The following LMLN variants were observed in gnomAD, a reference collection of about 807,000 sequenced individuals.
LMLN encodes leishmanolysin-like peptidase.
Under a neutral mutation model 92.3 loss-of-function variants are expected in LMLN, and 70 were observed. The observed-to-expected ratio is 0.76, with a 90% CI of 0.63 to 0.92. LMLN has a LOEUF of 0.92. Among genes scored for constraint, LMLN ranks in the 40% least tolerant of loss-of-function variants. LMLN has a pLI of 0.00. For synonymous variants in LMLN, 308 were observed against 296.2 expected (o/e 1.04, Z -0.41); for missense variants, 691 against 814.6 (o/e 0.85, Z 1.85).
chr3:197,999,589 G>C, intron 11 of LMLN: 1 of 462,228 alleles, frequency 2.2e-6, no homozygotes, highest in South Asian at 2.5e-5. Context: ...GGAGTGCAGT[G>C]GCAATCTGGA....
chr3:197,976,322 T>C (rs1490889146), intron 4 of LMLN: 1 of 485,076 alleles, frequency 2.1e-6, no homozygotes, highest in Admixed American at 3.9e-5. Context: ...GTCTACTGAA[T>C]TTTTTCTGGG....
exon 9 of LMLN, chr3:197,990,628 T>C (rs1265943980): frequency 6.9e-6 from 11 of 1,604,878 alleles, no homozygotes; most frequent in African/African-American, 1.3e-5. Flanking sequence ...TTCGAGATAA[T>C]AAGATAGTTC....
At chr3:197,966,503 A>G (rs1368729156) in intron 1 of LMLN, among the ~76,000 whole-genome samples, 6 of 151,896 alleles carry the variant, frequency 4.0e-5, no homozygotes. Context: ...GGTATGCTTT[A>G]TAAAATTAAG....
Position 198,025,408 on chromosome 3 carries a change from C to T in LMLN, c.1656+620C>T, listed in dbSNP as rs1722905938. On this transcript the variant is annotated intron_variant, in intron 14 of 15. Coordinates refer to ENST00000330198, the Ensembl canonical transcript of LMLN. The surrounding 1 kb of genome is among the most constrained non-coding windows in gnomAD (Gnocchi z 4.3). ...CTTTTTTTTGAGACAAGGTCTTGCT[C>T]TGTCAGCTAGGCTGGAGTGCTGCTG... Among the ~76,000 whole-genome samples the T allele has an allele frequency of 6.6e-6, 1 of 152,054 alleles. No homozygotes were observed. Among genetic ancestry groups the T allele is most frequent in the Non-Finnish European group, 1.5e-5 (1 of 68,030 alleles).
intron 9 of LMLN, among the ~76,000 whole-genome samples, chr3:197,991,863 CTT>C (rs34726731): frequency 3.2e-4 from 44 of 135,790 alleles, no homozygotes; most frequent in African/African-American, 5.0e-4. Context: ...TACTGAGCAA[CTT>C]TTTTTTTTTT....
chr3:197,978,159 C>A (rs748642208), intron 5 of LMLN, among the ~76,000 whole-genome samples: 19 of 151,770 alleles, frequency 1.3e-4, no homozygotes, highest in Admixed American at 2.6e-4. Context: ...CACGTTAAAT[C>A]TGGATACATA....
chr3:198,037,973 C>G (rs959535372), intron 15 of LMLN, among the ~76,000 whole-genome samples: 1 of 151,680 alleles, frequency 6.6e-6, no homozygotes, highest in African/African-American at 2.4e-5. Flanking sequence ...TCGCTTGCAT[C>G]CTCACAGTCC....
chr3:197,976,783 AT>A (rs1721396106), intron 5 of LMLN, 68 bp downstream of exon 5: 1 of 716,688 alleles, frequency 1.4e-6, no homozygotes, highest in Admixed American at 2.9e-5. Context: ...GTGTCACAGA[AT>A]TTTTACAGAT....
Position 198,024,792 on chromosome 3 carries a change from A to G in LMLN, c.1656+4A>G. ...CTGGGGAAGCGGATGCTATCAGGTA[A>G]GCTTATGTTTGTTATTAGTTGTGCC... On this transcript the variant is annotated splice_donor_region_variant and intron_variant, in intron 14 of 15. Coordinates refer to ENST00000330198, the Ensembl canonical transcript of LMLN. 1 of 1,596,186 alleles carries G rather than the reference A, an allele frequency of 6.3e-7. No homozygotes were observed. Among genetic ancestry groups the G allele is most frequent in the Non-Finnish European group, 8.5e-7 (1 of 1,174,330 alleles).
At chr3:197,977,762 A>G (rs940159652) in intron 5 of LMLN, among the ~76,000 whole-genome samples, 1 of 151,992 alleles carries the variant, frequency 6.6e-6, no homozygotes, top group African/African-American at 2.4e-5. Context: ...TATAAAAATC[A>G]TCAAACAGTC....
At chr3:198,021,415 C>T in intron 12 of LMLN, 31 bp from the exon 14 acceptor site, 1 of 1,605,646 alleles carries the variant, frequency 6.2e-7, no homozygotes, top group Non-Finnish European at 8.5e-7. Context: ...ATGTTTCTTA[C>T]TTTCTTGTCT....
chr3:197,986,521 G>C (rs917244851), intron 8 of LMLN, among the ~76,000 whole-genome samples: 4 of 152,190 alleles, frequency 2.6e-5, no homozygotes, highest in Admixed American at 2.6e-4. Flanking sequence ...AGTTGTTACA[G>C]ATATAAAGAA....
intron 9 of LMLN, among the ~76,000 whole-genome samples, chr3:197,995,044 TA>T (rs1401540388): frequency 6.6e-6 from 1 of 152,170 alleles, no homozygotes; most frequent in Non-Finnish European, 1.5e-5. Context: ...CAGGTCCACT[TA>T]TTTGTGGACT....
chr3:198,030,617 G>A (rs575513948), intron 14 of LMLN, among the ~76,000 whole-genome samples: 128 of 152,296 alleles, frequency 8.4e-4, no homozygotes, highest in African/African-American at 2.9e-3. Context: ...TAATCCTTAT[G>A]TTGGCAGCAC....
At chr3:197,961,278 T>C (rs1412609647) in intron 1 of LMLN, among the ~76,000 whole-genome samples, 1 of 152,202 alleles carries the variant, frequency 6.6e-6, no homozygotes, top group African/African-American at 2.4e-5. Flanking sequence ...TCACAGTATT[T>C]AGGTCAGAGG....
At chr3:197,977,529 TA>T (rs1721422711) in intron 5 of LMLN, among the ~76,000 whole-genome samples, 1 of 152,090 alleles carries the variant, frequency 6.6e-6, no homozygotes, top group African/African-American at 2.4e-5. Flanking sequence ...ATACACACGT[TA>T]AATCTGGATA....
intron 9 of LMLN, among the ~76,000 whole-genome samples, chr3:197,994,124 A>C (rs1308385901): frequency 6.6e-6 from 1 of 152,194 alleles, no homozygotes; most frequent in Non-Finnish European, 1.5e-5. Context: ...ACCAACTCCA[A>C]ACATATTAAG....
chr3:198,024,922 ATATT>A, intron 14 of LMLN, 134 bp downstream of exon 15: 2 of 634,104 alleles, frequency 3.2e-6, no homozygotes, highest in Non-Finnish European at 4.7e-6. Context: ...GTTTATGTAA[ATATT>A]AGTTTGGATG....
intron 11 of LMLN, among the ~76,000 whole-genome samples, chr3:198,001,533 G>A (rs79340407): frequency 0.02 from 2,996 of 152,298 alleles, 114 homozygotes; most frequent in African/African-American, 0.069. Context: ...ATAATTGCTA[G>A]TGCACAACAT....
Sources: allele counts gnomAD v4.1 joint callset (sites outside exome capture counted in the v4.1 genomes callset), GRCh38; gene constraint gnomAD v4.1.1; non-coding constraint Gnocchi (gnomAD v3.1); transcripts MANE v1.5; gene names NCBI Gene and HGNC (gene_info 2026-07-23, HGNC 2026-07-21).